The following SLC35F4 variants were observed in gnomAD, a reference collection of about 807,000 sequenced individuals.
SLC35F4 encodes chromosome 14 open reading frame 36.
SLC35F4 carries 24 observed loss-of-function variants against 44.2 expected under a neutral mutation model. The ratio of observed to expected loss-of-function variants is 0.54; its 90% CI spans 0.39 to 0.76. SLC35F4 has a LOEUF of 0.76. Ranked by LOEUF, SLC35F4 falls within the 30% of genes least tolerant of loss-of-function variation. The pLI is 0.00. For synonymous variants in SLC35F4, 238 were observed against 223.6 expected, an observed-to-expected ratio of 1.06 and a Z score of -0.57; for missense variants, 562 against 586.1, an observed-to-expected ratio of 0.96 and a Z score of 0.42.
intron 1 of SLC35F4, among the ~76,000 whole-genome samples, chr14:57,611,198 T>G (rs1218947901): frequency 6.6e-6 from 1 of 151,882 alleles, no homozygotes. Flanking sequence ...GTAGTGTAGA[T>G]AGAGTGCAGT....
chr14:57,889,870 C>A (rs1888723267), intron 1 of SLC35F4, among the ~76,000 whole-genome samples: 1 of 152,120 alleles, frequency 6.6e-6, no homozygotes, highest in Admixed American at 6.5e-5. Context: ...ATTCATCTGA[C>A]AAATGTTCAT....
At position 57,960,291 on chromosome 14, in the gene SLC35F4, G is replaced by A. The variant is rs553237660; in HGVS notation, n.282+21622C>T. 1.4e-4 allele frequency among the ~76,000 whole-genome samples: 21 copies of A among 152,276 alleles called. No individual in the cohort carries two copies. In the East Asian group the frequency reaches 4.1e-3, roughly 29 times the overall value. On this transcript the variant is annotated intron_variant and non_coding_transcript_variant, in intron 1 of 1. Transcript: ENST00000556568. ...CTATTGTGAACACTGCCCCAAGAAG[G>A]ACCAGTGGCCTGGGAGCTCACTCAG...
At chr14:57,923,876 G>A (rs141178252) in intron 1 of SLC35F4, among the ~76,000 whole-genome samples, 16 of 152,360 alleles carry the variant, frequency 1.1e-4, no homozygotes, top group African/African-American at 3.4e-4. Flanking sequence ...TGGTTCGGCT[G>A]TGTCCCCACC....
intron 1 of SLC35F4, among the ~76,000 whole-genome samples, chr14:57,782,295 AT>A (rs75303549): frequency 0.26 from 39,830 of 151,442 alleles, 5,712 homozygotes; most frequent in Admixed American, 0.38. Flanking sequence ...TTATACATGG[AT>A]TTTTTTTCAA....
intron 1 of SLC35F4, among the ~76,000 whole-genome samples, chr14:57,831,662 C>A (rs1884386565): frequency 6.6e-6 from 1 of 152,182 alleles, no homozygotes; most frequent in Non-Finnish European, 1.5e-5. Flanking sequence ...ACCATGTAAT[C>A]ATTTCCCTTT....
chr14:57,639,442 G>T (rs1311632415), intron 1 of SLC35F4, among the ~76,000 whole-genome samples: 1 of 151,864 alleles, frequency 6.6e-6, no homozygotes, highest in Non-Finnish European at 1.5e-5. Flanking sequence ...CTTGGGATCA[G>T]CTAAAGTCTA....
intron 1 of SLC35F4, among the ~76,000 whole-genome samples, chr14:57,773,682 T>C (rs889398078): frequency 1.3e-5 from 2 of 151,500 alleles, no homozygotes; most frequent in African/African-American, 2.4e-5. Flanking sequence ...AGAAAAACAA[T>C]TGTTTAACAT....
chr14:57,913,246 C>G (rs1889251273), intron 1 of SLC35F4, among the ~76,000 whole-genome samples: 2 of 151,800 alleles, frequency 1.3e-5, no homozygotes, highest in Admixed American at 6.6e-5. Context: ...AGTTGGTGTA[C>G]TTAGATCACT....
intron 1 of SLC35F4, among the ~76,000 whole-genome samples, chr14:57,674,045 T>G (rs186558347): frequency 3.9e-5 from 6 of 152,168 alleles, no homozygotes; most frequent in African/African-American, 1.4e-4. Context: ...AGAAATACAT[T>G]TTTTTACTTT....
At chr14:57,899,569 G>GGGTGGCC (rs1888954319) in intron 1 of SLC35F4, among the ~76,000 whole-genome samples, 1 of 152,206 alleles carries the variant, frequency 6.6e-6, no homozygotes, top group Non-Finnish European at 1.5e-5. Flanking sequence ...GACGGATACA[G>GGGTGGCC]AATATCCGTC....
At chr14:57,655,441 C>T (rs371723121) in intron 1 of SLC35F4, among the ~76,000 whole-genome samples, 8 of 152,066 alleles carry the variant, frequency 5.3e-5, no homozygotes, top group African/African-American at 7.2e-5. Flanking sequence ...TACCTAAGTT[C>T]GGGCTTCCCT....
At chr14:57,846,586 G>A (rs771903244) in intron 1 of SLC35F4, among the ~76,000 whole-genome samples, 1 of 152,146 alleles carries the variant, frequency 6.6e-6, no homozygotes, top group Non-Finnish European at 1.5e-5. Context: ...ATTTTTCCCT[G>A]AAATTCACTT....
At chr14:57,819,769 C>T (rs925365210) in intron 1 of SLC35F4, among the ~76,000 whole-genome samples, 1 of 151,352 alleles carries the variant, frequency 6.6e-6, no homozygotes, top group African/African-American at 2.4e-5. Flanking sequence ...GCCGAGATCG[C>T]CCCATTGCAC....
At chr14:57,581,826 C>T (rs1468523078) in intron 3 of SLC35F4, among the ~76,000 whole-genome samples, 2 of 152,232 alleles carry the variant, frequency 1.3e-5, no homozygotes, top group African/African-American at 4.8e-5. Context: ...GAACGGGCTA[C>T]AGACAACTCC....
intron 1 of SLC35F4, among the ~76,000 whole-genome samples, chr14:57,829,830 A>G (rs538479874): frequency 3.9e-5 from 6 of 152,314 alleles, no homozygotes; most frequent in African/African-American, 1.2e-4. Context: ...CCGTGAATAT[A>G]AAAAAGAAAA....
intron 1 of SLC35F4, among the ~76,000 whole-genome samples, chr14:57,804,281 T>A (rs10142762): frequency 0.49 from 74,150 of 152,028 alleles, 20,934 homozygotes; most frequent in African/African-American, 0.77. Flanking sequence ...TTAAAAATTC[T>A]TATGGAACCA....
intron 1 of SLC35F4, among the ~76,000 whole-genome samples, chr14:57,908,411 A>T (rs1794119318): frequency 6.6e-6 from 1 of 152,212 alleles, no homozygotes; most frequent in African/African-American, 2.4e-5. Context: ...TCCCACCAAC[A>T]GTGTAAAAGC....
At chr14:57,731,182 G>C (rs1371570983) in intron 1 of SLC35F4, among the ~76,000 whole-genome samples, 1 of 152,016 alleles carries the variant, frequency 6.6e-6, no homozygotes, top group African/African-American at 2.4e-5. Flanking sequence ...GCAGAGCCCC[G>C]ATGCGACCCT....
chr14:57,787,342 G>C (rs534691143), intron 1 of SLC35F4, among the ~76,000 whole-genome samples: 17 of 152,120 alleles, frequency 1.1e-4, no homozygotes, highest in Non-Finnish European at 2.4e-4. Context: ...ACATATTTGG[G>C]GGAATAATTG....
Sources: gnomAD v4.1 joint callset for allele counts (sites outside exome capture counted in the v4.1 genomes callset) on GRCh38, gnomAD v4.1.1 for gene constraint, MANE v1.5 for transcripts, NCBI Gene and HGNC (gene_info 2026-07-23, HGNC 2026-07-21) for gene names.